The following DIP2C variants were observed in gnomAD, a reference collection of about 807,000 sequenced individuals.
DIP2C encodes the protein DIP2 acetate--CoA ligase C (putative).
DIP2C carries 33 observed loss-of-function variants against 192.4 expected under a neutral mutation model. The ratio of observed to expected loss-of-function variants is 0.17; its 90% CI spans 0.13 to 0.23. The LOEUF is 0.23. Ranked by LOEUF, DIP2C falls within the 10% of genes least tolerant of loss-of-function variation. The probability of loss-of-function intolerance (pLI) is 1.00; values close to 1 mark genes in which losing one functional copy is unlikely to be tolerated. For synonymous variants in DIP2C, 979 were observed against 864.1 expected, an observed-to-expected ratio of 1.13 and a Z score of -2.33; for missense variants, 1,537 against 2,110.1, an observed-to-expected ratio of 0.73 and a Z score of 5.32.
chr10:579,581 A>G (rs1564223447), intron 1 of DIP2C, among the ~76,000 whole-genome samples: 1 of 152,014 alleles, frequency 6.6e-6, no homozygotes. Flanking sequence ...ACATGCGTAC[A>G]TGCATAGAGC....
chr10:303,384 C>T (rs1378914505), intron 32 of DIP2C, among the ~76,000 whole-genome samples: 2 of 152,156 alleles, frequency 1.3e-5, no homozygotes, highest in African/African-American at 2.4e-5. Context: ...ATAAATTAAC[C>T]TACATTTACT....
In DIP2C at chr10:536,062, A is replaced by G. The variant is rs182032838; in HGVS notation, c.86-49532T>C. 2.3e-4 allele frequency among the ~76,000 whole-genome samples: 35 copies of G among 152,246 alleles called. 1 individual carries two copies. The East Asian group carries it at 6.6e-3, about 29-fold the overall frequency. ...CCAGATTGGGCAGCTTCAACAATAT[A>G]AATTGATTCTCTCCCAGTCTGGGAG... On this transcript the variant is annotated intron_variant, in intron 1 of 36. Transcript: ENST00000280886.
At chr10:447,370 CCT>C (rs1491190145) in intron 3 of DIP2C, among the ~76,000 whole-genome samples, 21 of 150,312 alleles carry the variant, frequency 1.4e-4, no homozygotes, top group Admixed American at 2.0e-4. Flanking sequence ...CCCACTCACC[CCT>C]GTCGATACTC....
intron 1 of DIP2C, among the ~76,000 whole-genome samples, chr10:638,123 T>G (rs1169537622): frequency 6.6e-6 from 1 of 151,882 alleles, no homozygotes; most frequent in Non-Finnish European, 1.5e-5. Context: ...GGGCACCGAG[T>G]CTGAGAACAT....
chr10:499,864 T>C (rs980696976), intron 1 of DIP2C, among the ~76,000 whole-genome samples: 9 of 152,200 alleles, frequency 5.9e-5, no homozygotes, highest in Admixed American at 5.9e-4. Context: ...ATTGTTGACT[T>C]TATCATAGAG....
chr10:479,482 C>T (rs754871001), intron 2 of DIP2C, among the ~76,000 whole-genome samples: 13 of 151,982 alleles, frequency 8.6e-5, no homozygotes, highest in Non-Finnish European at 1.6e-4. Flanking sequence ...TACAGGCACC[C>T]ATCACGATGC....
chr10:574,469 G>A (rs532597013), intron 1 of DIP2C, among the ~76,000 whole-genome samples: 8 of 152,312 alleles, frequency 5.3e-5, no homozygotes, highest in African/African-American at 1.4e-4. Flanking sequence ...CTCATATGAC[G>A]TGTGACAACG....
intron 3 of DIP2C, among the ~76,000 whole-genome samples, chr10:443,706 C>G (rs1392671147): frequency 6.6e-6 from 1 of 152,156 alleles, no homozygotes; most frequent in Non-Finnish European, 1.5e-5. Flanking sequence ...ATTTCTACCT[C>G]TCTTGCCAAA....
At chr10:655,294 G>A (rs949754239) in intron 1 of DIP2C, among the ~76,000 whole-genome samples, 1 of 152,194 alleles carries the variant, frequency 6.6e-6, no homozygotes, top group African/African-American at 2.4e-5. Context: ...AGTCTTCGAT[G>A]TCCATGTGTC....
intron 2 of DIP2C, among the ~76,000 whole-genome samples, chr10:485,860 C>T (rs983573526): frequency 1.3e-5 from 2 of 152,252 alleles, no homozygotes; most frequent in Non-Finnish European, 2.9e-5. Context: ...CAGCTGGGAA[C>T]TGAGGTGCTA....
At chr10:671,862 C>T (rs1247005020) in intron 1 of DIP2C, among the ~76,000 whole-genome samples, 11 of 144,318 alleles carry the variant, frequency 7.6e-5, no homozygotes, top group African/African-American at 2.6e-4. Context: ...AGGCCACAGA[C>T]ACACGGAAGG....
At chr10:548,489 C>T (rs1050541835) in intron 1 of DIP2C, among the ~76,000 whole-genome samples, 3 of 138,382 alleles carry the variant, frequency 2.2e-5, no homozygotes, top group African/African-American at 8.9e-5. Flanking sequence ...GCAGTGAGGC[C>T]AGAGGTGATG....
At chr10:555,859 C>T (rs552357989) in intron 1 of DIP2C, among the ~76,000 whole-genome samples, 2 of 152,272 alleles carry the variant, frequency 1.3e-5, no homozygotes, top group Admixed American at 6.5e-5. Context: ...GAACACCCAT[C>T]TTCAAGTCAC....
chr10:514,255 A>G lies in DIP2C; in HGVS notation c.86-27725T>C, dbSNP rs375035266. On this transcript the variant is annotated intron_variant, in intron 1 of 36. Coordinates refer to ENST00000280886, the MANE Select transcript of DIP2C (RefSeq NM_014974.3). ...CCAGGAGAGCGTATTTACACAGTGCATTATCGACTCAGTTCTCGTTCAATA... is the reference window on the plus strand; with the variant it reads ...CCAGGAGAGCGTATTTACACAGTGCGTTATCGACTCAGTTCTCGTTCAATA... 1.6e-4 allele frequency among the ~76,000 whole-genome samples: 25 copies of G among 152,098 alleles called. No individual in the cohort carries two copies. The East Asian group carries it at 4.7e-3, about 29-fold the overall frequency.
At chr10:684,010 G>A (rs996740522) in intron 1 of DIP2C, among the ~76,000 whole-genome samples, 1 of 152,260 alleles carries the variant, frequency 6.6e-6, no homozygotes, top group Admixed American at 6.5e-5. Context: ...CGGGAAGCGC[G>A]TGGCTCGGGC....
At chr10:675,505 G>A (rs1830842543) in intron 1 of DIP2C, among the ~76,000 whole-genome samples, 1 of 150,644 alleles carries the variant, frequency 6.6e-6, no homozygotes, top group South Asian at 2.1e-4. Flanking sequence ...TTTTTGAAAA[G>A]ATAAATAAAA....
chr10:580,904 A>G lies in DIP2C; in HGVS notation c.86-94374T>C, dbSNP rs1564226788. 2.0e-5 allele frequency among the ~76,000 whole-genome samples: 3 copies of G among 152,212 alleles called. No individual in the cohort carries two copies. The East Asian group carries it at 5.8e-4, about 29-fold the overall frequency. On this transcript the variant is annotated intron_variant, in intron 1 of 36. Coordinates refer to ENST00000280886, the MANE Select transcript of DIP2C (RefSeq NM_014974.3). ...CCTAACATAGTACACGTCAGGACTG[A>G]CTCACGATGAAGCACTCCTTAAAAA...
intron 9 of DIP2C, among the ~76,000 whole-genome samples, chr10:404,268 G>C (rs1003467131): frequency 6.6e-6 from 1 of 151,242 alleles, no homozygotes; most frequent in Admixed American, 6.6e-5. Flanking sequence ...GAGTACAGTA[G>C]TGCAATCTCG....
chr10:569,002 T>A (rs1849618648), intron 1 of DIP2C, among the ~76,000 whole-genome samples: 1 of 152,122 alleles, frequency 6.6e-6, no homozygotes, highest in South Asian at 2.1e-4. Context: ...AATTCCAGCA[T>A]GAGGGCAGCG....
Sources: gnomAD v4.1 joint callset for allele counts (sites outside exome capture counted in the v4.1 genomes callset) on GRCh38, gnomAD v4.1.1 for gene constraint, MANE v1.5 for transcripts, NCBI Gene and HGNC (gene_info 2026-07-23, HGNC 2026-07-21) for gene names.